Variants in DTNBP1 observed in about 807,000 individuals in gnomAD.
DTNBP1 encodes dysbindin.
A neutral mutation model predicts 42.8 loss-of-function variants in DTNBP1; 35 were observed. The ratio of observed to expected loss-of-function variants is 0.82; its 90% CI spans 0.63 to 1.09. The LOEUF is 1.09. Ranked by LOEUF, DTNBP1 falls within the 50% of genes least tolerant of loss-of-function variation. DTNBP1 has a pLI of 0.00. For missense variants in DTNBP1, 457 were observed against 424.2 expected (o/e 1.08, Z -0.68); for synonymous variants, 171 against 162.2 (o/e 1.05, Z -0.41).
intron 6 of DTNBP1, among the ~76,000 whole-genome samples, chr6:15,600,142 C>T (rs1776673205): frequency 6.6e-6 from 1 of 152,114 alleles, no homozygotes; most frequent in Non-Finnish European, 1.5e-5. Flanking sequence ...TTGAGTCACC[C>T]ACAGCAGTCC....
At chr6:15,577,256 G>A (rs573981252) in intron 7 of DTNBP1, among the ~76,000 whole-genome samples, 2 of 152,338 alleles carry the variant, frequency 1.3e-5, no homozygotes, top group South Asian at 4.1e-4. Context: ...GCCCTGCAGG[G>A]CCTCGCAAGC....
At chr6:15,661,764 G>T (rs1761648081) in intron 1 of DTNBP1, among the ~76,000 whole-genome samples, 1 of 152,198 alleles carries the variant, frequency 6.6e-6, no homozygotes, top group Admixed American at 6.5e-5. Flanking sequence ...TTCAAAGACA[G>T]ATCTTTTTCA....
chr6:15,525,835 ACT>A (rs1277123517), intron 8 of DTNBP1, among the ~76,000 whole-genome samples: 5 of 152,174 alleles, frequency 3.3e-5, no homozygotes, highest in African/African-American at 7.2e-5. Context: ...AGGGGAGATA[ACT>A]CTATTCAAAG....
Position 15,608,242 on chromosome 6 carries a change from A to C in DTNBP1, c.488+7025T>G, listed in dbSNP as rs191140592. On this transcript the variant is annotated intron_variant, in intron 6 of 9. Coordinates refer to ENST00000344537, the MANE Select transcript of DTNBP1 (RefSeq NM_032122.5). ...TAAAAACTGTTTCCCCTCAGTGTTA[A>C]TATCTACCTTGTTGTTGTTTGCTTG... 9.2e-5 allele frequency among the ~76,000 whole-genome samples: 14 copies of C among 151,512 alleles called. No individual in the cohort carries two copies. In the East Asian group the frequency reaches 2.5e-3, roughly 27 times the overall value.
chr6:15,533,512 C>G (rs1773016875), intron 7 of DTNBP1, 117 bp from the exon 8 acceptor site: 2 of 1,541,472 alleles, frequency 1.3e-6, no homozygotes, highest in African/African-American at 1.4e-5. Context: ...CGTTTACAGA[C>G]TGGGCTGGTG....
chr6:15,615,666 C>T (rs1332068360), intron 5 of DTNBP1, among the ~76,000 whole-genome samples: 2 of 152,162 alleles, frequency 1.3e-5, no homozygotes, highest in Non-Finnish European at 2.9e-5. Flanking sequence ...AATGGAGAAA[C>T]ATTATCTTGA....
At chr6:15,559,131 G>A (rs1245483410) in intron 7 of DTNBP1, among the ~76,000 whole-genome samples, 4 of 152,190 alleles carry the variant, frequency 2.6e-5, no homozygotes, top group Non-Finnish European at 5.9e-5. Context: ...GTGCAATGGT[G>A]GTTCAAGAAG....
chr6:15,615,409 T>C lies in DTNBP1; in HGVS notation c.356-10A>G, dbSNP rs775480150. On this transcript the variant is annotated splice_polypyrimidine_tract_variant and intron_variant, in intron 5 of 9. Transcript: ENST00000344537. Reference sequence around the variant, plus strand: ...CTCGCCTCTAAATGAGCTGAAAGTATATAAAAATAAACAGACCTCAAAAGT... The same window carrying C: ...CTCGCCTCTAAATGAGCTGAAAGTACATAAAAATAAACAGACCTCAAAAGT... 1.9e-6 allele frequency: 3 copies of C among 1,613,704 alleles called. No individual in the cohort carries two copies. The highest frequency in any genetic ancestry group is 1.1e-5 in the South Asian group (1 of 91,086).
At chr6:15,524,730 C>T in intron 8 of DTNBP1, 61 bp from the exon 9 acceptor site, 1 of 1,593,248 alleles carries the variant, frequency 6.3e-7, no homozygotes, top group Non-Finnish European at 8.5e-7. Flanking sequence ...AAAAGGTGAA[C>T]TTCCATTGGC....
At chr6:15,630,377 A>G (rs1472610211) in intron 4 of DTNBP1, among the ~76,000 whole-genome samples, 1 of 152,244 alleles carries the variant, frequency 6.6e-6, no homozygotes, top group Non-Finnish European at 1.5e-5. Context: ...CACTACGTTC[A>G]GTTCACTTTC....
intron 9 of DTNBP1, chr6:15,523,511 G>T (rs1772074647): frequency 1.6e-6 from 2 of 1,273,540 alleles, no homozygotes; most frequent in Admixed American, 6.0e-5. Context: ...CCAAAGGCAA[G>T]TGCTGCCTAT....
At chr6:15,558,688 GA>G (rs1403246747) in intron 7 of DTNBP1, among the ~76,000 whole-genome samples, 1 of 152,140 alleles carries the variant, frequency 6.6e-6, no homozygotes, top group East Asian at 1.9e-4. Context: ...AGCAAAATGG[GA>G]ATTGCATAAA....
intron 7 of DTNBP1, chr6:15,585,802 G>C (rs1046328842): frequency 1.4e-5 from 21 of 1,516,634 alleles, no homozygotes; most frequent in Non-Finnish European, 1.8e-5. Context: ...CTCAGTGCTG[G>C]TCAAGTGAAG....
At chr6:15,542,068 G>C (rs1176765271) in intron 7 of DTNBP1, among the ~76,000 whole-genome samples, 2 of 152,048 alleles carry the variant, frequency 1.3e-5, no homozygotes, top group Admixed American at 1.3e-4. Flanking sequence ...TTGTTCATTA[G>C]AGATAAATAA....
At chr6:15,644,382 A>C (rs1436362039) in intron 3 of DTNBP1, among the ~76,000 whole-genome samples, 3 of 152,258 alleles carry the variant, frequency 2.0e-5, no homozygotes, top group Non-Finnish European at 4.4e-5. Context: ...AGATCATGGC[A>C]CAAAACTAAC....
intron 5 of DTNBP1, among the ~76,000 whole-genome samples, chr6:15,619,128 T>C (rs1015084909): frequency 6.6e-6 from 1 of 152,096 alleles, no homozygotes; most frequent in African/African-American, 2.4e-5. Context: ...TACAGCTAGA[T>C]AGGAAGAATA....
intron 7 of DTNBP1, among the ~76,000 whole-genome samples, chr6:15,556,516 C>G (rs1364700050): frequency 6.6e-6 from 1 of 152,148 alleles, no homozygotes; most frequent in Non-Finnish European, 1.5e-5. Context: ...GTGCTCTTTG[C>G]TGTTGGCTGT....
intron 3 of DTNBP1, among the ~76,000 whole-genome samples, chr6:15,647,792 T>C (rs2113798589): frequency 6.6e-6 from 1 of 152,006 alleles, no homozygotes; most frequent in Non-Finnish European, 1.5e-5. Context: ...TGAAATACCC[T>C]GGACTTGATT....
intron 7 of DTNBP1, among the ~76,000 whole-genome samples, chr6:15,569,353 A>ACT (rs1775237896): frequency 7.9e-6 from 1 of 127,172 alleles, no homozygotes; most frequent in Non-Finnish European, 1.6e-5. Context: ...GCCAGTTAAG[A>ACT]CCCCCCCCCG....
Sources: allele counts gnomAD v4.1 joint callset (sites outside exome capture counted in the v4.1 genomes callset), GRCh38; gene constraint gnomAD v4.1.1; transcripts MANE v1.5; gene names NCBI Gene and HGNC (gene_info 2026-07-23, HGNC 2026-07-21).